Variants in MYRIP observed in about 807,000 individuals in gnomAD.
MYRIP encodes the protein rab effector MyRIP.
In MYRIP, 49 loss-of-function variants were observed where a neutral mutation model predicts 98.0. The observed-to-expected ratio is 0.50, with a 90% CI of 0.40 to 0.63. The LOEUF (loss-of-function observed/expected upper bound fraction) is 0.63, where lower values mean the gene tolerates loss of function less well. Ranked by LOEUF, MYRIP falls within the 30% of genes least tolerant of loss-of-function variation. The pLI is 0.00. For synonymous variants in MYRIP, 404 were observed against 409.5 expected, an observed-to-expected ratio of 0.99 and a Z score of 0.16; for missense variants, 1,004 against 1,058.2, an observed-to-expected ratio of 0.95 and a Z score of 0.71.
At chr3:39,921,881 CAAAAAAAAAAAA>C (rs34179419) in intron 2 of MYRIP, among the ~76,000 whole-genome samples, 3 of 75,906 alleles carry the variant, frequency 4.0e-5, no homozygotes, top group African/African-American at 1.6e-4. Flanking sequence ...GACTCCGTCT[CAAAAAAAAAAAA>C]AAAAAAAAAA....
rs192233606 is a variant in MYRIP at position 39,967,007 on chromosome 3, T to A, written c.110+66081T>A. 3.2e-4 allele frequency among the ~76,000 whole-genome samples: 48 copies of A among 152,344 alleles called. 1 individual carries two copies. Among genetic ancestry groups the A allele is most frequent in the African/African-American group, 9.4e-4 (39 of 41,588 alleles). On this transcript the variant is annotated intron_variant, in intron 2 of 16. Transcript: ENST00000302541. ...AGCATGTGAACCTGAACAAGCTATG[T>A]CATTTCTCTGAGCCTCAGTTTTCTC...
intron 1 of MYRIP, among the ~76,000 whole-genome samples, chr3:39,814,448 T>C (rs1418400970): frequency 1.3e-5 from 2 of 152,222 alleles, no homozygotes; most frequent in Non-Finnish European, 2.9e-5. Flanking sequence ...TTTTTCATAG[T>C]TGGGTCTTTG....
chr3:40,242,281 A>T (rs560829881), intron 12 of MYRIP: 1 of 152,372 alleles, frequency 6.6e-6, no homozygotes, highest in East Asian at 1.9e-4. Context: ...CATCATCATC[A>T]TCCCCACCAT....
At chr3:40,189,577 T>C (rs1251842168) in intron 9 of MYRIP, among the ~76,000 whole-genome samples, 1 of 152,176 alleles carries the variant, frequency 6.6e-6, no homozygotes, top group Admixed American at 6.5e-5. Context: ...CCTGGTAGAC[T>C]GAAATAGGAG....
intron 1 of MYRIP, among the ~76,000 whole-genome samples, chr3:39,871,636 G>T (rs976984121): frequency 6.6e-6 from 1 of 152,020 alleles, no homozygotes; most frequent in South Asian, 2.1e-4. Flanking sequence ...AGACTTTAGA[G>T]CAGAGCCTGC....
chr3:40,037,624 A>G lies in MYRIP; in HGVS notation c.111-6426A>G, dbSNP rs1289100576. ...TGTTGACTCTCATCTGACAATGTCA[A>G]TTACCAGCTTATTGTCACAGGTATG... On this transcript the variant is annotated intron_variant, in intron 2 of 16. Coordinates refer to ENST00000302541, the MANE Select transcript of MYRIP (RefSeq NM_015460.4). Among the ~76,000 whole-genome samples, 3 of 152,066 alleles carry G rather than the reference A, an allele frequency of 2.0e-5. No individual in the cohort carries two copies. In the East Asian group the frequency reaches 5.8e-4, roughly 29 times the overall value.
chr3:39,943,634 G>A (rs1184304191), intron 2 of MYRIP, among the ~76,000 whole-genome samples: 1 of 152,058 alleles, frequency 6.6e-6, no homozygotes, highest in Non-Finnish European at 1.5e-5. Flanking sequence ...ATTTTCTGGT[G>A]CTTAGTCATC....
chr3:39,899,490 C>T (rs1372523509), intron 1 of MYRIP, among the ~76,000 whole-genome samples: 2 of 152,028 alleles, frequency 1.3e-5, no homozygotes, highest in African/African-American at 4.8e-5. Context: ...TGTGAAATCG[C>T]CATTTTTATA....
intron 2 of MYRIP, among the ~76,000 whole-genome samples, chr3:39,929,089 CAAATT>C (rs1319136629): frequency 1.3e-5 from 2 of 151,802 alleles, no homozygotes; most frequent in East Asian, 3.9e-4. Flanking sequence ...TAAATTGTAT[CAAATT>C]AAAACATATG....
intron 3 of MYRIP, among the ~76,000 whole-genome samples, chr3:40,081,828 A>G (rs1948485612): frequency 6.6e-6 from 1 of 152,054 alleles, no homozygotes; most frequent in East Asian, 1.9e-4. Context: ...ACATCTCCCC[A>G]TGCCCCCATC....
intron 2 of MYRIP, among the ~76,000 whole-genome samples, chr3:39,921,339 T>G (rs935367426): frequency 6.6e-5 from 10 of 152,178 alleles, no homozygotes; most frequent in Non-Finnish European, 1.3e-4. Context: ...TTTGCTAAGT[T>G]TTTGTCTTCC....
chr3:39,854,181 T>C (rs571269257), intron 1 of MYRIP, among the ~76,000 whole-genome samples: 9 of 152,238 alleles, frequency 5.9e-5, no homozygotes, highest in Admixed American at 5.2e-4. Flanking sequence ...TGTTTAAAGT[T>C]AGGTAATGTG....
At chr3:40,021,719 G>C (rs1057356206) in intron 2 of MYRIP, among the ~76,000 whole-genome samples, 2 of 152,198 alleles carry the variant, frequency 1.3e-5, no homozygotes, top group Non-Finnish European at 2.9e-5. Context: ...CTCTGGAGGA[G>C]TGCTTGTACT....
chr3:40,185,961 G>T (rs1229033637), intron 9 of MYRIP, among the ~76,000 whole-genome samples: 1 of 152,184 alleles, frequency 6.6e-6, no homozygotes, highest in African/African-American at 2.4e-5. Flanking sequence ...TTGGCCAGGG[G>T]CTTGGGGCAT....
Position 40,005,410 on chromosome 3 carries a change from C to G in MYRIP, c.111-38640C>G, listed in dbSNP as rs1266354255. Among the ~76,000 whole-genome samples, 4 of 152,358 alleles carry G rather than the reference C, an allele frequency of 2.6e-5. No individual in the cohort carries two copies. In the East Asian group the frequency reaches 7.7e-4, roughly 29 times the overall value. ...TCTCAGGCATAGATATGCCATCAGG[C>G]ATTATTTCTACAATTAATTAGGTCC... On this transcript the variant is annotated intron_variant, in intron 2 of 16. Transcript: ENST00000302541.
chr3:39,951,774 A>T (rs2125718532), intron 2 of MYRIP, among the ~76,000 whole-genome samples: 1 of 152,212 alleles, frequency 6.6e-6, no homozygotes, highest in Middle Eastern at 3.4e-3. Flanking sequence ...ATTCTAGAGG[A>T]CTCTGACAAA....
Position 40,258,113 on chromosome 3 carries a change from G to C in MYRIP, c.2548-21G>C, listed in dbSNP as rs750089560. 4 of 1,614,148 alleles carry C rather than the reference G, an allele frequency of 2.5e-6. No homozygotes were observed. The South Asian group carries it at 3.3e-5, about 13-fold the overall frequency. On this transcript the variant is annotated intron_variant, in intron 16 of 16. Transcript: ENST00000302541. ...CTCTTCCCAAGTGGCTGATGGGAGT[G>C]TGTTCAATGTCTCACCTCAGGAGCC...
intron 2 of MYRIP, among the ~76,000 whole-genome samples, chr3:39,948,714 A>G (rs1382544405): frequency 2.6e-5 from 4 of 152,070 alleles, no homozygotes; most frequent in African/African-American, 9.6e-5. Context: ...AAAAAAAGAG[A>G]AAGAATAGAT....
chr3:39,995,005 C>A (rs1185328904), intron 2 of MYRIP, among the ~76,000 whole-genome samples: 1 of 152,074 alleles, frequency 6.6e-6, no homozygotes, highest in African/African-American at 2.4e-5. Context: ...AACTAAAAAA[C>A]AGAAAGGACA....
Sources: allele counts gnomAD v4.1 joint callset (sites outside exome capture counted in the v4.1 genomes callset), GRCh38; gene constraint gnomAD v4.1.1; transcripts MANE v1.5; gene names NCBI Gene and HGNC (gene_info 2026-07-23, HGNC 2026-07-21).